DPP10: variants seen among roughly 807,000 people sequenced by gnomAD.
The protein encoded by DPP10 is dipeptidyl peptidase like 10.
Under a neutral mutation model 120.9 loss-of-function variants are expected in DPP10, and 33 were observed. That is an observed-to-expected ratio of 0.27 (90% CI 0.21 to 0.37). The LOEUF is 0.37. Ranked by LOEUF, DPP10 falls within the 10% of genes least tolerant of loss-of-function variation. The pLI is 1.00. For missense variants in DPP10, 816 were observed against 942.8 expected (o/e 0.87, Z 1.76); for synonymous variants, 337 against 326.1 (o/e 1.03, Z -0.36).
intron 1 of DPP10, among the ~76,000 whole-genome samples, chr2:114,668,868 C>G (rs1021341702): frequency 6.6e-6 from 1 of 152,010 alleles, no homozygotes; most frequent in East Asian, 1.9e-4. Flanking sequence ...TTTTCTCTCT[C>G]TCCTGTATTT....
At chr2:114,906,481 G>A (rs1329068810) in intron 1 of DPP10, among the ~76,000 whole-genome samples, 2 of 151,106 alleles carry the variant, frequency 1.3e-5, no homozygotes, top group African/African-American at 2.4e-5. Flanking sequence ...CATTTTTAAC[G>A]TGATGTTAGT....
chr2:115,672,045 TACTC>T (rs2089917948), intron 5 of DPP10, among the ~76,000 whole-genome samples: 1 of 152,226 alleles, frequency 6.6e-6, no homozygotes, highest in Non-Finnish European at 1.5e-5. Context: ...TACCATCATA[TACTC>T]AGTATTGACA....
At chr2:114,841,670 G>A (rs1688168860) in intron 1 of DPP10, among the ~76,000 whole-genome samples, 1 of 152,078 alleles carries the variant, frequency 6.6e-6, no homozygotes, top group South Asian at 2.1e-4. Context: ...TACTAGGCAA[G>A]TTTTATGGTA....
In DPP10 at chr2:115,175,561, G is replaced by A. The variant is rs2053632910; in HGVS notation, c.61-133678G>A. Among the ~76,000 whole-genome samples the A allele has an allele frequency of 2.6e-5, 4 of 152,298 alleles. No homozygotes were observed. The South Asian group carries it at 8.3e-4, about 32-fold the overall frequency. Reference sequence around the variant, plus strand: ...GTTTACATGAGTACTTCTGTGCAGTGTAAAAAGGGGTTCAATGAATAATTT... The same window carrying A: ...GTTTACATGAGTACTTCTGTGCAGTATAAAAAGGGGTTCAATGAATAATTT... On this transcript the variant is annotated intron_variant, in intron 1 of 25. Transcript: ENST00000410059.
intron 1 of DPP10, among the ~76,000 whole-genome samples, chr2:114,656,913 A>G (rs1697005323): frequency 6.6e-6 from 1 of 152,172 alleles, no homozygotes; most frequent in African/African-American, 2.4e-5. Flanking sequence ...GTTAAGAGAA[A>G]AGGAAAACTA....
intron 21 of DPP10, among the ~76,000 whole-genome samples, chr2:115,820,200 TA>T: frequency 6.6e-6 from 1 of 152,172 alleles, no homozygotes; most frequent in Non-Finnish European, 1.5e-5. Context: ...TTCTGTAACT[TA>T]CTGACTATAA....
At chr2:115,224,321 C>T (rs1375950902) in intron 1 of DPP10, among the ~76,000 whole-genome samples, 2 of 152,096 alleles carry the variant, frequency 1.3e-5, no homozygotes, top group East Asian at 3.9e-4. Flanking sequence ...GTCATATGAC[C>T]ATATGGATTT....
intron 1 of DPP10, among the ~76,000 whole-genome samples, chr2:114,934,389 A>G (rs1696306070): frequency 6.6e-6 from 1 of 152,208 alleles, no homozygotes; most frequent in South Asian, 2.1e-4. Context: ...AGAAGAGAAA[A>G]GAAAATATTA....
chr2:114,507,488 T>G (rs1683777347), intron 1 of DPP10, among the ~76,000 whole-genome samples: 1 of 152,224 alleles, frequency 6.6e-6, no homozygotes, highest in Non-Finnish European at 1.5e-5. Context: ...TTCAACTACC[T>G]TAAAATCAGC....
intron 21 of DPP10, among the ~76,000 whole-genome samples, chr2:115,820,423 TTTTTTTTC>T (rs1687691522): frequency 6.6e-6 from 1 of 151,936 alleles, no homozygotes; most frequent in African/African-American, 2.4e-5. Context: ...GTGAATTGAT[TTTTTTTTC>T]TTTTTTTTTT....
chr2:114,811,244 G>A (rs1685146001), intron 1 of DPP10, among the ~76,000 whole-genome samples: 1 of 152,164 alleles, frequency 6.6e-6, no homozygotes, highest in African/African-American at 2.4e-5. Context: ...TTTTGCAAAT[G>A]ATGCAGCTTA....
chr2:115,531,987 T>C (rs1433199387), intron 5 of DPP10, among the ~76,000 whole-genome samples: 1 of 152,122 alleles, frequency 6.6e-6, no homozygotes, highest in Non-Finnish European at 1.5e-5. Context: ...CACTATGATA[T>C]ACCATTCCAT....
intron 5 of DPP10, among the ~76,000 whole-genome samples, chr2:115,649,283 G>A (rs1239231731): frequency 6.6e-6 from 1 of 151,960 alleles, no homozygotes; most frequent in African/African-American, 2.4e-5. Context: ...ACAACCAAAT[G>A]GATTATAATG....
intron 3 of DPP10, among the ~76,000 whole-genome samples, chr2:115,396,763 C>T (rs1207439909): frequency 2.0e-5 from 3 of 152,160 alleles, no homozygotes; most frequent in Non-Finnish European, 2.9e-5. Flanking sequence ...CAATCATCCA[C>T]AGAGGTCAGA....
chr2:114,880,170 A>C (rs1214931055), intron 1 of DPP10, among the ~76,000 whole-genome samples: 1 of 152,204 alleles, frequency 6.6e-6, no homozygotes, highest in Non-Finnish European at 1.5e-5. Context: ...AATGTTAAAT[A>C]AATCTGCATA....
At chr2:114,940,218 A>C (rs1375467809) in intron 1 of DPP10, among the ~76,000 whole-genome samples, 1 of 152,166 alleles carries the variant, frequency 6.6e-6, no homozygotes, top group Non-Finnish European at 1.5e-5. Flanking sequence ...TCCTGGATCA[A>C]GCCTATAACT....
chr2:114,931,471 G>A (rs534289001), intron 1 of DPP10, among the ~76,000 whole-genome samples: 7 of 152,306 alleles, frequency 4.6e-5, no homozygotes, highest in Admixed American at 4.6e-4. Flanking sequence ...CTAATAGAGG[G>A]AGAACTCATT....
intron 1 of DPP10, among the ~76,000 whole-genome samples, chr2:114,858,608 G>A (rs188093698): frequency 7.2e-5 from 11 of 152,128 alleles, no homozygotes; most frequent in Middle Eastern, 3.4e-3. Context: ...ACTTAACAGC[G>A]GTAATTGAAA....
At chr2:114,593,658 T>A (rs2105176131) in intron 1 of DPP10, among the ~76,000 whole-genome samples, 1 of 152,306 alleles carries the variant, frequency 6.6e-6, no homozygotes, top group Admixed American at 6.5e-5. Flanking sequence ...AATGTGATGT[T>A]GTGATAGATG....
Sources: gnomAD v4.1 joint callset for allele counts (sites outside exome capture counted in the v4.1 genomes callset) on GRCh38, gnomAD v4.1.1 for gene constraint, MANE v1.5 for transcripts, NCBI Gene and HGNC (gene_info 2026-07-23, HGNC 2026-07-21) for gene names.